The following DCUN1D5 variants were observed in gnomAD, a reference collection of about 807,000 sequenced individuals.
The protein encoded by DCUN1D5 is DCN1-like protein 5.
DCUN1D5 carries 10 observed loss-of-function variants against 38.3 expected under a neutral mutation model. That is an observed-to-expected ratio of 0.26 (90% CI 0.16 to 0.44). The LOEUF (loss-of-function observed/expected upper bound fraction) is 0.44. Among genes scored for constraint, DCUN1D5 ranks in the 20% least tolerant of loss-of-function variants. DCUN1D5 has a pLI of 1.00. For synonymous variants in DCUN1D5, 93 were observed against 90.9 expected (o/e 1.02, Z -0.13); for missense variants, 148 against 275.3 (o/e 0.54, Z 3.27).
Position 103,091,809 on chromosome 11 carries a change from G to A in DCUN1D5, c.64C>T (p.Leu22Phe). The A allele has an allele frequency of 1.2e-6, 2 of 1,614,054 alleles. No homozygotes were observed. The highest frequency in any genetic ancestry group is 1.7e-6 in the Non-Finnish European group (2 of 1,179,948). ...VAAAVAEDGG[L>F]KKCKISSYCR... ...TACCTGGAGATTTTACACTTTTTGA[G>A]GCCTCCGTCTTCCGCTACTGCTGCT... Residue 22 changes from leucine (L) to phenylalanine (F), a missense_variant, in exon 1 of 8, where the codon CTC becomes TTC. Coordinates refer to ENST00000260247, the MANE Select transcript of DCUN1D5 (RefSeq NM_032299.4). This position sits in a 1 kb window ranked among gnomAD's most constrained non-coding sequence, Gnocchi z 4.3.
intron 4 of DCUN1D5, among the ~76,000 whole-genome samples, chr11:103,070,065 A>G (rs1862232965): frequency 6.6e-6 from 1 of 151,868 alleles, no homozygotes. Flanking sequence ...AAATGCTTCA[A>G]CAAGTAATTA....
intron 2 of DCUN1D5, among the ~76,000 whole-genome samples, chr11:103,084,644 A>C (rs552728210): frequency 2.5e-4 from 38 of 152,348 alleles, no homozygotes; most frequent in African/African-American, 8.2e-4. Flanking sequence ...TAAAATGCAT[A>C]AATGAGTATG....
At chr11:103,076,867 T>C (rs1862420267) in intron 4 of DCUN1D5, among the ~76,000 whole-genome samples, 1 of 152,086 alleles carries the variant, frequency 6.6e-6, no homozygotes, top group Non-Finnish European at 1.5e-5. Context: ...CTACTGTAAA[T>C]CTTGAGCAGA....
At position 103,064,283 on chromosome 11, in the gene DCUN1D5, T is replaced by C. The variant is rs1179782428; in HGVS notation, c.650A>G (p.Asp217Gly). The change falls in exon 7 of 8, where the codon GAT becomes GGT. Residue 217 changes from aspartate to glycine, a missense_variant. Transcript: ENST00000260247. This position sits in a 1 kb window ranked among gnomAD's most constrained non-coding sequence, Gnocchi z 4.5. ...TGTTATGTTATACTTACAAGCACCATCTTCATCATAGTTACTAAGATCAGC... is the reference window on the plus strand; with the variant it reads ...TGTTATGTTATACTTACAAGCACCACCTTCATCATAGTTACTAAGATCAGC... ...VHADLSNYDE[D>G]GAWPVLLDEF... 11 of 1,608,248 alleles carry C rather than the reference T, an allele frequency of 6.8e-6. No individual in the cohort carries two copies. The highest frequency in any genetic ancestry group is 9.3e-6 in the Non-Finnish European group (11 of 1,178,368).
intron 4 of DCUN1D5, among the ~76,000 whole-genome samples, chr11:103,070,664 T>C (rs569138286): frequency 1.3e-5 from 2 of 152,236 alleles, no homozygotes; most frequent in East Asian, 1.9e-4. Flanking sequence ...CAGCAATTGA[T>C]AGAAACACTA....
rs780059670 is a variant in DCUN1D5, at chr11:103,086,407, C to T, written c.178+2820G>A. Among the ~76,000 whole-genome samples the T allele has an allele frequency of 7.2e-5, 11 of 152,158 alleles. No individual in the cohort carries two copies. Among genetic ancestry groups the T allele is most frequent in the African/African-American group, 1.2e-4 (5 of 41,410 alleles). ...CAAAATTATTGGCTTCATTTTAATA[C>T]GGACATACCCATTTCAAGACAGAAC... is the stretch of plus-strand genomic sequence containing the variant. On this transcript the variant is annotated intron_variant, in intron 2 of 7. Coordinates refer to ENST00000260247, the MANE Select transcript of DCUN1D5 (RefSeq NM_032299.4). This position sits in a 1 kb window ranked among gnomAD's most constrained non-coding sequence, Gnocchi z 4.1.
At position 103,063,327 on chromosome 11, in the gene DCUN1D5, A is replaced by G. The variant is rs1328527201; in HGVS notation, c.659-913T>C. On this transcript the variant is annotated intron_variant, in intron 7 of 7. Transcript: ENST00000260247. The surrounding 1 kb of genome is among the most constrained non-coding windows in gnomAD (Gnocchi z 4.6). ...ACAAATCTAAATGTTGTATTTTAATACAAAATCTCCTAGTTTTAAATGCTG... is the reference window on the plus strand; with the variant it reads ...ACAAATCTAAATGTTGTATTTTAATGCAAAATCTCCTAGTTTTAAATGCTG... Among the ~76,000 whole-genome samples, 2 of 152,174 alleles carry G rather than the reference A, an allele frequency of 1.3e-5. No homozygotes were observed. Among genetic ancestry groups the G allele is most frequent in the African/African-American group, 2.4e-5 (1 of 41,446 alleles).
rs780552316 is a variant in DCUN1D5, at chr11:103,051,506, C to CA, written c.*10852_*10853insT. On this transcript the variant is annotated 3_prime_UTR_variant, in exon 8 of 8. Coordinates refer to ENST00000260247, the MANE Select transcript of DCUN1D5 (RefSeq NM_032299.4). ...GGTGGCTTCACATATTTACTTCCCCCCCCCCCCCGCCACCCCTGTGTTAAC... is the reference window on the plus strand; with the variant it reads ...GGTGGCTTCACATATTTACTTCCCCCACCCCCCCCGCCACCCCTGTGTTAAC... 2 of 19,828 alleles carry CA rather than the reference C, an allele frequency of 1.0e-4. No homozygotes were observed. The highest frequency in any genetic ancestry group is 3.4e-4 in the Non-Finnish European group (2 of 5,866). The allele number at this position is 19,828 out of a possible 1,614,324, so 1.2% of individuals were successfully genotyped here.
intron 4 of DCUN1D5, among the ~76,000 whole-genome samples, chr11:103,068,791 C>A (rs1328427468): frequency 6.6e-6 from 1 of 151,412 alleles, no homozygotes; most frequent in Non-Finnish European, 1.5e-5. Flanking sequence ...TCTGACACTA[C>A]TTTACCTATG....
At chr11:103,089,829 T>C (rs1862809477) in intron 1 of DCUN1D5, among the ~76,000 whole-genome samples, 2 of 152,132 alleles carry the variant, frequency 1.3e-5, no homozygotes, top group South Asian at 4.1e-4. Flanking sequence ...CCTAAGGGTA[T>C]ATTAAATTAC....
Position 103,078,002 on chromosome 11 carries a change from AC to A in DCUN1D5, c.341+4745del, listed in dbSNP as rs1217340028. On this transcript the variant is annotated intron_variant, in intron 4 of 7. Coordinates refer to ENST00000260247, the MANE Select transcript of DCUN1D5 (RefSeq NM_032299.4). The surrounding 1 kb of genome is among the most constrained non-coding windows in gnomAD (Gnocchi z 4.6). ...GGCATTTCATTTACTCTCCTCTTCC[AC>A]CCCCACCAAAAAAAAAAATCATATA... Among the ~76,000 whole-genome samples the A allele has an allele frequency of 6.7e-6, 1 of 149,344 alleles. No homozygotes were observed. Among genetic ancestry groups the A allele is most frequent in the Non-Finnish European group, 1.5e-5 (1 of 67,130 alleles).
Position 103,058,659 on chromosome 11 carries a change from A to G in DCUN1D5, c.*3700T>C, listed in dbSNP as rs187213434. On this transcript the variant is annotated 3_prime_UTR_variant, in exon 8 of 8. Transcript: ENST00000260247. The stretch of plus-strand genomic sequence containing the variant: ...CAAATATTCCTGAAGTAATAAAACT[A>G]TATCATTAAAAAAAGATATAATCCA... 1.3e-3 allele frequency among the ~76,000 whole-genome samples: 201 copies of G among 152,230 alleles called. No homozygotes were observed. The highest frequency in any genetic ancestry group is 4.8e-3 in the African/African-American group (198 of 41,522).
intron 1 of DCUN1D5, among the ~76,000 whole-genome samples, chr11:103,090,220 C>T (rs1862823259): frequency 6.6e-6 from 1 of 152,076 alleles, no homozygotes; most frequent in Non-Finnish European, 1.5e-5. Context: ...AATTTTAATA[C>T]ATTATATACT....
Position 103,077,156 on chromosome 11 carries a change from C to T in DCUN1D5, c.341+5592G>A, listed in dbSNP as rs1004022616. On this transcript the variant is annotated intron_variant, in intron 4 of 7. Transcript: ENST00000260247. This position sits in a 1 kb window ranked among gnomAD's most constrained non-coding sequence, Gnocchi z 4.3. ...CGGAGCTTGCAGTGAGCCGAGATCG[C>T]GCCACTGCACTCCAGCCTGGGAGAC... 1.3e-5 allele frequency among the ~76,000 whole-genome samples: 2 copies of T among 151,922 alleles called. No individual in the cohort carries two copies. Among genetic ancestry groups the T allele is most frequent in the Admixed American group, 1.3e-4 (2 of 15,254 alleles).
Position 103,078,480 on chromosome 11 carries a change from C to A in DCUN1D5, c.341+4268G>T, listed in dbSNP as rs1862466827. Among the ~76,000 whole-genome samples, 1 of 152,176 alleles carries A rather than the reference C, an allele frequency of 6.6e-6. No individual in the cohort carries two copies. The highest frequency in any genetic ancestry group is 2.1e-4 in the South Asian group (1 of 4,822). ...AGGTCCATAGTTCTCATAAGACTCT[C>A]AAAAGAGACTGTGACTTTAAAATAT... is the stretch of plus-strand genomic sequence containing the variant. On this transcript the variant is annotated intron_variant, in intron 4 of 7. Coordinates refer to ENST00000260247, the MANE Select transcript of DCUN1D5 (RefSeq NM_032299.4). This position sits in a 1 kb window ranked among gnomAD's most constrained non-coding sequence, Gnocchi z 4.6.
intron 4 of DCUN1D5, among the ~76,000 whole-genome samples, chr11:103,072,462 G>A (rs1862302304): frequency 6.6e-6 from 1 of 151,146 alleles, no homozygotes; most frequent in South Asian, 2.1e-4. Flanking sequence ...ATATGCACAC[G>A]TATGTTTACT....
At position 103,057,613 on chromosome 11, in the gene DCUN1D5, G is replaced by T. The variant is rs566155672; in HGVS notation, c.*4746C>A. 6.6e-6 allele frequency among the ~76,000 whole-genome samples: 1 copy of T among 152,054 alleles called. No individual in the cohort carries two copies. Among genetic ancestry groups the T allele is most frequent in the Admixed American group, 6.6e-5 (1 of 15,264 alleles). On this transcript the variant is annotated 3_prime_UTR_variant, in exon 8 of 8. Coordinates refer to ENST00000260247, the MANE Select transcript of DCUN1D5 (RefSeq NM_032299.4). The surrounding 1 kb of genome is among the most constrained non-coding windows in gnomAD (Gnocchi z 4.8). Reference sequence around the variant, plus strand: ...CAGGCATCTGTAATCCCAGCTACTTGGGAGGTTGACGCACGAGAATCTCTT... The same window carrying T: ...CAGGCATCTGTAATCCCAGCTACTTTGGAGGTTGACGCACGAGAATCTCTT...
At position 103,064,618 on chromosome 11, in the gene DCUN1D5, T is replaced by TA. The variant is rs754987433; in HGVS notation, c.556-242dup. Among the ~76,000 whole-genome samples the TA allele has an allele frequency of 3.9e-5, 6 of 152,152 alleles. No homozygotes were observed. The highest frequency in any genetic ancestry group is 7.4e-5 in the Non-Finnish European group (5 of 68,018). On this transcript the variant is annotated intron_variant, in intron 6 of 7. Transcript: ENST00000260247. This position sits in a 1 kb window ranked among gnomAD's most constrained non-coding sequence, Gnocchi z 4.5. Reference sequence around the variant, plus strand: ...GAGCACTGAGTACTAACAGTAAGGATAAAACTAACTTTTTCATATGTATAT... The same window carrying TA: ...GAGCACTGAGTACTAACAGTAAGGATAAAAACTAACTTTTTCATATGTATAT...
intron 4 of DCUN1D5, among the ~76,000 whole-genome samples, chr11:103,069,856 C>G (rs1862228114): frequency 6.6e-6 from 1 of 152,078 alleles, no homozygotes; most frequent in Non-Finnish European, 1.5e-5. Context: ...AGTAAGCTAG[C>G]TAAAACTGAA....
Sources: allele counts gnomAD v4.1 joint callset (sites outside exome capture counted in the v4.1 genomes callset), GRCh38; gene constraint gnomAD v4.1.1; non-coding constraint Gnocchi (gnomAD v3.1); transcripts MANE v1.5; gene names NCBI Gene and HGNC (gene_info 2026-07-23, HGNC 2026-07-21).